Variants in DHRS9 observed in about 807,000 individuals in gnomAD.
The protein encoded by DHRS9 is dehydrogenase/reductase SDR family member 9.
Under a neutral mutation model 26.6 loss-of-function variants are expected in DHRS9, and 18 were observed. That is an observed-to-expected ratio of 0.68 (90% CI 0.47 to 1.00). The LOEUF (loss-of-function observed/expected upper bound fraction) is 1.00. DHRS9 is among the 50% of genes least tolerant of loss of function. The probability of loss-of-function intolerance (pLI) is 0.00; values close to 1 mark genes in which losing one functional copy is unlikely to be tolerated. For synonymous variants in DHRS9, 134 were observed against 141.1 expected (o/e 0.95, Z 0.36); for missense variants, 425 against 378.7 (o/e 1.12, Z -1.01).
Position 169,095,930 on chromosome 2 carries a change from G to A in DHRS9, c.*163G>A. 1.5e-6 allele frequency: 1 copy of A among 668,674 alleles called. No homozygotes were observed. The highest frequency in any genetic ancestry group is 2.6e-6 in the Non-Finnish European group (1 of 389,212). The allele number at this position is 668,674 out of a possible 1,614,324, so 41.4% of individuals were successfully genotyped here. A position where few individuals can be genotyped will look rare whatever the true frequency, so the allele number is the denominator to read the frequency against. On this transcript the variant is annotated 3_prime_UTR_variant, in exon 5 of 5. Coordinates refer to ENST00000674881, the MANE Select transcript of DHRS9 (RefSeq NM_001376924.1). The stretch of plus-strand genomic sequence containing the variant: ...CCCACCATCGCTGGTGGTATCCCAG[G>A]GTCCCTGCTCAAGTTTTCTTTGAAA...
chr2:169,090,646 A>G (rs1156567692), intron 3 of DHRS9, among the ~76,000 whole-genome samples: 1 of 152,234 alleles, frequency 6.6e-6, no homozygotes, highest in Non-Finnish European at 1.5e-5. Context: ...AAATGAATAA[A>G]TACTTCCTTA....
chr2:169,087,251 A>G (rs548460692), intron 3 of DHRS9, among the ~76,000 whole-genome samples: 1 of 152,050 alleles, frequency 6.6e-6, no homozygotes, highest in Non-Finnish European at 1.5e-5. Flanking sequence ...GTCTCTCACC[A>G]TAGCTACTAC....
Position 169,083,245 on chromosome 2 carries a change from G to A in DHRS9, c.314-84G>A. On this transcript the variant is annotated intron_variant, in intron 2 of 4. Coordinates refer to ENST00000674881, the MANE Select transcript of DHRS9 (RefSeq NM_001376924.1). ...ACTTCAAGGAGGAAATGGCACCATT[G>A]TGCAAAGCAGGGGCTGTATTTTCAT... is the stretch of plus-strand genomic sequence containing the variant. The A allele has an allele frequency of 1.2e-5, 18 of 1,514,242 alleles. No individual in the cohort carries two copies. The South Asian group carries it at 2.2e-4, about 19-fold the overall frequency. 93.8% of individuals were successfully genotyped at this position (1,514,242 alleles called of 1,614,324 possible).
At chr2:169,068,694 C>T (rs964996922), upstream of DHRS9, among the ~76,000 whole-genome samples, 1 of 152,144 alleles carries the variant, frequency 6.6e-6, no homozygotes, top group Non-Finnish European at 1.5e-5. Flanking sequence ...TGTGCTCATT[C>T]CAGTTGAACC....
At chr2:169,069,850 G>A in intron 1 of DHRS9, 133 bp downstream of exon 1, 2 of 843,642 alleles carry the variant, frequency 2.4e-6, no homozygotes, top group Non-Finnish European at 2.9e-6. Flanking sequence ...TTCTTTTAAT[G>A]TAACACATTA....
intron 1 of DHRS9, among the ~76,000 whole-genome samples, chr2:169,079,983 G>GAGAGAGAA (rs1558951565): frequency 2.1e-5 from 1 of 46,800 alleles, no homozygotes; most frequent in Non-Finnish European, 4.0e-5. Flanking sequence ...GAGAGAGAGA[G>GAGAGAGAA]AGAAAGAAAG....
chr2:169,091,261 T>C (rs1424648451), intron 3 of DHRS9, among the ~76,000 whole-genome samples: 1 of 146,172 alleles, frequency 6.8e-6, no homozygotes, highest in Non-Finnish European at 1.5e-5. Flanking sequence ...TAAAATAAAA[T>C]AAAATAAAAT....
Position 169,095,664 on chromosome 2 carries a change from A to C in DHRS9, c.857A>C (p.Asp286Ala). 6.2e-7 allele frequency: 1 copy of C among 1,614,032 alleles called. No individual in the cohort carries two copies. Among genetic ancestry groups the C allele is most frequent in the Non-Finnish European group, 8.5e-7 (1 of 1,179,924 alleles). Residue 286 changes from aspartate to alanine, a missense_variant, in exon 5 of 5, where the codon GAT (aspartate) becomes GCT (alanine). Coordinates refer to ENST00000674881, the MANE Select transcript of DHRS9 (RefSeq NM_001376924.1). ...FPKTHYAAGK[D>A]AKIFWIPLSH... ...AAGACTCATTATGCCGCTGGAAAAG[A>C]TGCCAAAATTTTCTGGATACCTCTG... is the stretch of plus-strand genomic sequence containing the variant.
upstream of DHRS9, among the ~76,000 whole-genome samples, chr2:169,067,630 A>AT (rs367555525): frequency 2.0e-5 from 3 of 150,020 alleles, no homozygotes; most frequent in African/African-American, 4.9e-5. Flanking sequence ...TTGGTTCCAG[A>AT]TTTTTTTTTT....
At chr2:169,080,168 T>A (rs1262196522) in intron 1 of DHRS9, among the ~76,000 whole-genome samples, 1 of 152,140 alleles carries the variant, frequency 6.6e-6, no homozygotes, top group Non-Finnish European at 1.5e-5. Context: ...ACTCAGGGCC[T>A]ATTGATTGTC....
upstream of DHRS9, among the ~76,000 whole-genome samples, chr2:169,068,941 C>T (rs1052897495): frequency 7.9e-5 from 12 of 152,194 alleles, no homozygotes; most frequent in Admixed American, 1.3e-4. Context: ...GCCAGGTCAA[C>T]TGTGATCAAC....
chr2:169,081,022 A>G (rs1297996384), intron 1 of DHRS9: 1 of 531,070 alleles, frequency 1.9e-6, no homozygotes, highest in East Asian at 1.5e-4. Context: ...TCTTAGTGGC[A>G]ACAAAAAATG....
At chr2:169,084,630 A>G (rs1684295055) in intron 3 of DHRS9, among the ~76,000 whole-genome samples, 2 of 152,118 alleles carry the variant, frequency 1.3e-5, no homozygotes, top group African/African-American at 2.4e-5. Context: ...TTCCACTTGT[A>G]TGTCTTTTCA....
rs754711996 is a variant in DHRS9 at position 169,081,783 on chromosome 2, G to T, written c.202G>T (p.Ala68Ser). 1.2e-6 allele frequency: 2 copies of T among 1,614,170 alleles called. No homozygotes were observed. Among genetic ancestry groups the T allele is most frequent in the Middle Eastern group, 1.6e-4 (1 of 6,062 alleles). ...CTGTCTGACTGAATCAGGATCAACA[G>T]CTTTAAAGGCAGAAACCTCAGAGAG... is the stretch of plus-strand genomic sequence containing the variant. ...AACLTESGST[A>S]LKAETSERLR... The change falls in exon 2 of 5, where the codon GCT becomes TCT. Residue 68 changes from alanine to serine, a missense_variant. Physicochemically the swap from Ala to Ser is moderately conservative, Grantham distance 99. Coordinates refer to ENST00000674881, the MANE Select transcript of DHRS9 (RefSeq NM_001376924.1).
At chr2:169,068,930 C>T (rs904714417), upstream of DHRS9, among the ~76,000 whole-genome samples, 7 of 152,254 alleles carry the variant, frequency 4.6e-5, no homozygotes, top group Middle Eastern at 3.4e-3. Context: ...TCCCAGGATA[C>T]GCCAGGTCAA....
rs1409707219 is a variant in DHRS9, at chr2:169,095,915, C to T, written c.*148C>T. 1 of 719,228 alleles carries T rather than the reference C, an allele frequency of 1.4e-6. No individual in the cohort carries two copies. The highest frequency in any genetic ancestry group is 2.3e-6 in the Non-Finnish European group (1 of 430,290). 44.6% of individuals were successfully genotyped at this position (719,228 alleles called of 1,614,324 possible). The stretch of plus-strand genomic sequence containing the variant: ...ATTGCAAAAGGGAGTCCCACCATCG[C>T]TGGTGGTATCCCAGGGTCCCTGCTC... On this transcript the variant is annotated 3_prime_UTR_variant, in exon 5 of 5. Coordinates refer to ENST00000674881, the MANE Select transcript of DHRS9 (RefSeq NM_001376924.1).
chr2:169,071,069 A>G (rs538699588), intron 1 of DHRS9, among the ~76,000 whole-genome samples: 36 of 150,210 alleles, frequency 2.4e-4, no homozygotes, highest in African/African-American at 8.5e-4. Flanking sequence ...GTCTCAAAAA[A>G]AAAAAACAAC....
intron 4 of DHRS9, 101 bp downstream of exon 4, chr2:169,092,054 C>T (rs1254328771): frequency 1.6e-6 from 2 of 1,268,090 alleles, no homozygotes; most frequent in Admixed American, 2.7e-5. Flanking sequence ...TGAGTAATAC[C>T]CCAATAAGGA....
intron 1 of DHRS9, among the ~76,000 whole-genome samples, chr2:169,073,747 A>C (rs1468599320): frequency 6.6e-6 from 1 of 152,170 alleles, no homozygotes; most frequent in African/African-American, 2.4e-5. Context: ...AATTTTTATA[A>C]GTAACCCAAC....
Sources: gnomAD v4.1 joint callset for allele counts (sites outside exome capture counted in the v4.1 genomes callset) on GRCh38, gnomAD v4.1.1 for gene constraint, MANE v1.5 for transcripts, NCBI Gene and HGNC (gene_info 2026-07-23, HGNC 2026-07-21) for gene names.